The following UMAD1 variants were observed in gnomAD, a reference collection of about 807,000 sequenced individuals.
UMAD1 encodes the protein UBAP1-MVB12-associated (UMA) domain containing 1, also known as UBAP1-MVB12-associated (UMA)-domain containing protein 1.
A neutral mutation model predicts 6.1 loss-of-function variants in UMAD1; 8 were observed. The ratio of observed to expected loss-of-function variants is 1.30; its 90% confidence interval spans 0.76 to 2.35. UMAD1 has a LOEUF of 2.35. Among genes scored for constraint, UMAD1 ranks in the 30% most tolerant of loss-of-function variants. UMAD1 has a pLI of 0.00. For synonymous variants in UMAD1, 56 were observed against 31.4 expected (o/e 1.78, Z -2.61); for missense variants, 130 against 78.4 (o/e 1.66, Z -2.49).
At chr7:7,868,156 G>A (rs1352403391) in intron 3 of UMAD1, among the ~76,000 whole-genome samples, 1 of 152,128 alleles carries the variant, frequency 6.6e-6, no homozygotes, top group Non-Finnish European at 1.5e-5. Context: ...TACGGTTGGA[G>A]TTTATGAATT....
intron 1 of UMAD1, among the ~76,000 whole-genome samples, chr7:7,663,804 G>A (rs901607467): frequency 1.3e-5 from 2 of 152,128 alleles, no homozygotes; most frequent in Admixed American, 6.5e-5. Context: ...CATTTTTATG[G>A]ATAGGAATTA....
Position 7,665,299 on chromosome 7 carries a change from T to C in UMAD1, c.-63-8010T>C, listed in dbSNP as rs146369691. On this transcript the variant is annotated intron_variant, in intron 1 of 3. Coordinates refer to ENST00000682710, the MANE Select transcript of UMAD1 (RefSeq NM_001302348.2). ...AATAGGATCTGCCCTGCTAAGCAAT[T>C]AGGCAGGCCCTTTTATACGCAGTCT... Among the ~76,000 whole-genome samples, 27 of 152,336 alleles carry C rather than the reference T, an allele frequency of 1.8e-4. No individual in the cohort carries two copies. In the East Asian group the frequency reaches 4.2e-3, roughly 24 times the overall value.
intron 2 of UMAD1, among the ~76,000 whole-genome samples, chr7:7,776,048 T>A (rs1412910847): frequency 6.6e-6 from 1 of 150,476 alleles, no homozygotes. Flanking sequence ...TGTAATTTGT[T>A]ATACACTATA....
intron 3 of UMAD1, among the ~76,000 whole-genome samples, chr7:7,803,817 C>T (rs759974384): frequency 4.6e-5 from 7 of 152,058 alleles, no homozygotes; most frequent in Non-Finnish European, 8.8e-5. Flanking sequence ...CCCTCCCACC[C>T]CCTAATACAG....
chr7:7,858,556 A>G (rs1054584783), intron 3 of UMAD1, among the ~76,000 whole-genome samples: 2 of 152,222 alleles, frequency 1.3e-5, no homozygotes, highest in Non-Finnish European at 2.9e-5. Context: ...CTGGGTTTTA[A>G]AAGTTGACTA....
intron 1 of UMAD1, among the ~76,000 whole-genome samples, chr7:7,646,505 T>TA (rs1785099468): frequency 1.0e-4 from 14 of 136,960 alleles, no homozygotes; most frequent in South Asian, 2.3e-4. Flanking sequence ...TTTTTTTTTT[T>TA]AATTCTCTCG....
chr7:7,681,207 T>C (rs1033700943), intron 2 of UMAD1, among the ~76,000 whole-genome samples: 6 of 152,182 alleles, frequency 3.9e-5, no homozygotes, highest in Non-Finnish European at 7.4e-5. Flanking sequence ...GAGTAAATTA[T>C]GTTGTTTAAG....
At chr7:7,679,727 T>TTTAATTTATAGATAA (rs1583727335) in intron 2 of UMAD1, among the ~76,000 whole-genome samples, 4 of 142,944 alleles carry the variant, frequency 2.8e-5, no homozygotes, top group East Asian at 4.0e-4. Context: ...TATATATATA[T>TTTAATTTATAGATAA]ATATACACAC....
intron 2 of UMAD1, among the ~76,000 whole-genome samples, chr7:7,687,541 G>A (rs28912730): frequency 2.6e-5 from 4 of 152,138 alleles, no homozygotes; most frequent in South Asian, 2.1e-4. Flanking sequence ...CTGGAAGGCC[G>A]ATCTATGCTT....
intron 3 of UMAD1, among the ~76,000 whole-genome samples, chr7:7,859,579 A>C (rs544567050): frequency 6.6e-6 from 1 of 152,292 alleles, no homozygotes; most frequent in East Asian, 1.9e-4. Flanking sequence ...CATCTGGTTC[A>C]ATTATCTCAT....
chr7:7,820,195 G>GTATGAGATCTGAGGAAGATAGAT (rs146413680), intron 3 of UMAD1, among the ~76,000 whole-genome samples: 2 of 151,746 alleles, frequency 1.3e-5, no homozygotes, highest in African/African-American at 4.8e-5. Context: ...ATACAGGAGA[G>GTATGAGATCTGAGGAAGATAGAT]TATGAGAATT....
chr7:7,644,816 C>T (rs977182700), intron 1 of UMAD1, among the ~76,000 whole-genome samples: 3 of 152,116 alleles, frequency 2.0e-5, no homozygotes, highest in African/African-American at 7.2e-5. Flanking sequence ...TCTCTTTGCT[C>T]TTCTGTATAG....
intron 3 of UMAD1, among the ~76,000 whole-genome samples, chr7:7,814,503 A>T (rs942802224): frequency 6.6e-6 from 1 of 151,944 alleles, no homozygotes; most frequent in African/African-American, 2.4e-5. Flanking sequence ...CTCCTGTTCT[A>T]TATTTTTCCT....
intron 2 of UMAD1, among the ~76,000 whole-genome samples, chr7:7,771,048 A>G (rs1782089887): frequency 6.6e-6 from 1 of 152,122 alleles, no homozygotes; most frequent in African/African-American, 2.4e-5. Context: ...GACCCTGTAA[A>G]GGAGCCTGAG....
chr7:7,650,852 C>T (rs1449303455), intron 1 of UMAD1, among the ~76,000 whole-genome samples: 1 of 152,210 alleles, frequency 6.6e-6, no homozygotes, highest in Non-Finnish European at 1.5e-5. Flanking sequence ...ATTCCAGGTT[C>T]TGGCCATGGC....
chr7:7,707,217 A>T (rs1055523158), intron 2 of UMAD1, among the ~76,000 whole-genome samples: 4 of 152,202 alleles, frequency 2.6e-5, no homozygotes. Context: ...TACAGCAAAG[A>T]TTATATTCAT....
At chr7:7,700,045 A>G (rs1025789418) in intron 2 of UMAD1, among the ~76,000 whole-genome samples, 2 of 152,188 alleles carry the variant, frequency 1.3e-5, no homozygotes, top group African/African-American at 4.8e-5. Flanking sequence ...GTAAATAACT[A>G]CTTCTGTGGA....
chr7:7,771,524 T>A (rs927620574), intron 2 of UMAD1, among the ~76,000 whole-genome samples: 3 of 152,306 alleles, frequency 2.0e-5, no homozygotes, highest in Middle Eastern at 3.4e-3. Flanking sequence ...GTTTTGCCAC[T>A]GAAGTTGGGG....
chr7:7,697,370 T>A (rs2115147615), intron 2 of UMAD1, among the ~76,000 whole-genome samples: 1 of 152,364 alleles, frequency 6.6e-6, no homozygotes, highest in East Asian at 1.9e-4. Context: ...TTTGTTTTCT[T>A]CTAAAACACC....
Sources: allele counts gnomAD v4.1 joint callset (sites outside exome capture counted in the v4.1 genomes callset), GRCh38; gene constraint gnomAD v4.1.1; transcripts MANE v1.5; gene names NCBI Gene and HGNC (gene_info 2026-07-23, HGNC 2026-07-21).